KIAA0586: variants seen among roughly 807,000 people sequenced by gnomAD.
KIAA0586 encodes the protein protein TALPID3.
Under a neutral mutation model 169.8 loss-of-function variants are expected in KIAA0586, and 144 were observed. The ratio of observed to expected loss-of-function variants is 0.85; its 90% CI spans 0.74 to 0.97. KIAA0586 has a LOEUF of 0.97. KIAA0586 is among the 50% of genes least tolerant of loss of function. The pLI is 0.00. For missense variants in KIAA0586, 1,854 were observed against 1,823.0 expected (o/e 1.02, Z -0.31); for synonymous variants, 625 against 612.4 (o/e 1.02, Z -0.30).
chr14:58,469,657 A>C (rs2041048230), intron 16 of KIAA0586, among the ~76,000 whole-genome samples: 1 of 152,210 alleles, frequency 6.6e-6, no homozygotes. Flanking sequence ...TGAAACGAAG[A>C]TGCTAGTAAA....
At chr14:58,437,424 G>A (rs74244882) in intron 4 of KIAA0586, among the ~76,000 whole-genome samples, 27,559 of 151,890 alleles carry the variant, frequency 0.18, 3,255 homozygotes, top group East Asian at 0.48. Context: ...GAATATAAAG[G>A]TCAAGTTGCC....
intron 6 of KIAA0586, 28 bp from the exon 7 acceptor site, chr14:58,448,312 A>G: frequency 7.3e-7 from 1 of 1,376,952 alleles, no homozygotes; most frequent in South Asian, 1.3e-5. Flanking sequence ...GATATTTGAA[A>G]ATAATAAAAT....
the KIAA0586 span, among the ~76,000 whole-genome samples, chr14:58,562,084 C>T: frequency 2.0e-5 from 3 of 152,180 alleles, no homozygotes; most frequent in African/African-American, 7.2e-5. Flanking sequence ...ACACAATTGA[C>T]ATGTTATTTC....
intron 30 of KIAA0586, among the ~76,000 whole-genome samples, chr14:58,545,781 TGAA>T (rs1285423156): frequency 2.0e-5 from 3 of 152,122 alleles, no homozygotes; most frequent in Admixed American, 6.5e-5. Context: ...TTTGGGAGGC[TGAA>T]GAAGGAGGAT....
Position 58,548,423 on chromosome 14 carries a change from A to T in KIAA0586, c.*491A>T, listed in dbSNP as rs181452208. On this transcript the variant is annotated 3_prime_UTR_variant, in exon 31 of 31. Coordinates refer to ENST00000652326, the MANE Select transcript of KIAA0586 (RefSeq NM_001329943.3). ...GGAATAATCTTTGAGATGCACTGTT[A>T]AAGTGAAAAAAGCCATGTGCAAAAT... 2 of 152,460 alleles carry T rather than the reference A, an allele frequency of 1.3e-5. No homozygotes were observed. Among genetic ancestry groups the T allele is most frequent in the East Asian group, 3.9e-4 (2 of 5,190 alleles). 9.4% of individuals were successfully genotyped at this position (152,460 alleles called of 1,614,324 possible). A position where few individuals can be genotyped will look rare whatever the true frequency, so the allele number is the denominator to read the frequency against.
chr14:58,543,644 C>T (rs145330312), intron 30 of KIAA0586, among the ~76,000 whole-genome samples: 1 of 152,298 alleles, frequency 6.6e-6, no homozygotes, highest in East Asian at 1.9e-4. Context: ...ATCACCGCTC[C>T]CAAGTTTGTT....
At chr14:58,446,307 CCAA>C (rs891466538) in intron 6 of KIAA0586, among the ~76,000 whole-genome samples, 5 of 151,682 alleles carry the variant, frequency 3.3e-5, no homozygotes, top group African/African-American at 1.2e-4. Context: ...ACCAGCCTGG[CCAA>C]CATGGTGAAA....
intron 29 of KIAA0586, among the ~76,000 whole-genome samples, chr14:58,528,652 C>T (rs1426889872): frequency 6.6e-6 from 1 of 152,116 alleles, no homozygotes; most frequent in African/African-American, 2.4e-5. Flanking sequence ...TGCTTTGAAA[C>T]CAATGAGAAC....
chr14:58,508,798 C>A, intron 28 of KIAA0586, 89 bp downstream of exon 28: 1 of 971,308 alleles, frequency 1.0e-6, no homozygotes, highest in Non-Finnish European at 1.5e-6. Flanking sequence ...AGCCAAGCCT[C>A]TGGAGTCAGA....
intron 20 of KIAA0586, among the ~76,000 whole-genome samples, chr14:58,477,664 G>T (rs1167990603): frequency 6.6e-6 from 1 of 152,020 alleles, no homozygotes; most frequent in Non-Finnish European, 1.5e-5. Context: ...GTTAAAATGA[G>T]CCTCTTTCTT....
At chr14:58,430,293 T>A (rs1440508162) in intron 2 of KIAA0586, among the ~76,000 whole-genome samples, 3 of 152,152 alleles carry the variant, frequency 2.0e-5, no homozygotes, top group Admixed American at 6.5e-5. Flanking sequence ...CCTTATCTAC[T>A]CCATTTGACT....
At chr14:58,530,918 G>T (rs2045916860) in intron 29 of KIAA0586, among the ~76,000 whole-genome samples, 1 of 152,060 alleles carries the variant, frequency 6.6e-6, no homozygotes, top group Non-Finnish European at 1.5e-5. Context: ...TACAGAATGG[G>T]AGAAAATTTT....
chr14:58,470,939 C>T (rs1374200282), intron 17 of KIAA0586, among the ~76,000 whole-genome samples: 1 of 152,054 alleles, frequency 6.6e-6, no homozygotes, highest in Non-Finnish European at 1.5e-5. Flanking sequence ...GCAACCTCCG[C>T]CTCCCGGGTT....
rs5808974 is a variant in KIAA0586 at position 58,489,223 on chromosome 14, A to ATTTTTTT, written c.3781+359_3781+365dup. Reference sequence around the variant, plus strand: ...CTATGCATATTGTTTTGAAACCTGAATTTTTTTTTTTTTTTTGAGACAGGT... The same window carrying ATTTTTTT: ...CTATGCATATTGTTTTGAAACCTGAATTTTTTTTTTTTTTTTTTTTTTTGAGACAGGT... On this transcript the variant is annotated intron_variant, in intron 24 of 30. Transcript: ENST00000652326. Among the ~76,000 whole-genome samples the ATTTTTTT allele has an allele frequency of 1.8e-4, 24 of 135,648 alleles. 5 individuals are homozygous for ATTTTTTT. The highest frequency in any genetic ancestry group is 3.1e-4 in the Non-Finnish European group (20 of 65,150). 89.0% of individuals were successfully genotyped at this position (135,648 alleles called of 152,430 possible).
intron 29 of KIAA0586, among the ~76,000 whole-genome samples, chr14:58,537,609 T>C (rs2046375400): frequency 6.6e-6 from 1 of 152,126 alleles, no homozygotes; most frequent in Non-Finnish European, 1.5e-5. Context: ...AAGTGAGAAG[T>C]GAACACAGAT....
chr14:58,528,117 G>T (rs958697332), intron 29 of KIAA0586, among the ~76,000 whole-genome samples: 2 of 152,106 alleles, frequency 1.3e-5, no homozygotes, highest in African/African-American at 2.4e-5. Flanking sequence ...AGGTTATTAC[G>T]TAATGGTAAA....
intron 30 of KIAA0586, among the ~76,000 whole-genome samples, chr14:58,546,899 C>A (rs573141886): frequency 2.6e-5 from 4 of 152,112 alleles, no homozygotes; most frequent in Non-Finnish European, 5.9e-5. Context: ...GTCTATTTTA[C>A]AGAGAAAAAT....
intron 9 of KIAA0586, among the ~76,000 whole-genome samples, chr14:58,455,959 T>C (rs1338401598): frequency 6.6e-6 from 1 of 152,194 alleles, no homozygotes; most frequent in Non-Finnish European, 1.5e-5. Flanking sequence ...ATTTTTAACA[T>C]TTGTTGACCA....
At chr14:58,449,461 A>T (rs1428927091) in intron 7 of KIAA0586, among the ~76,000 whole-genome samples, 1 of 152,214 alleles carries the variant, frequency 6.6e-6, no homozygotes, top group Non-Finnish European at 1.5e-5. Context: ...CCCAGGAGGT[A>T]GAAGCTTCAG....
Sources: allele counts gnomAD v4.1 joint callset (sites outside exome capture counted in the v4.1 genomes callset), GRCh38; gene constraint gnomAD v4.1.1; transcripts MANE v1.5; gene names NCBI Gene and HGNC (gene_info 2026-07-23, HGNC 2026-07-21).